Variants in ZBED6 observed in about 807,000 individuals in gnomAD.
ZBED6 encodes the protein zinc finger BED-type containing 6.
ZBED6 carries 40 observed loss-of-function variants against 58.4 expected under a neutral mutation model. The observed-to-expected ratio is 0.68, with a 90% CI of 0.53 to 0.89. The LOEUF (loss-of-function observed/expected upper bound fraction) is 0.89, where lower values mean the gene tolerates loss of function less well. ZBED6 is among the 40% of genes least tolerant of loss of function. The pLI is 0.00. For missense variants in ZBED6, 1,057 were observed against 1,003.9 expected (o/e 1.05, Z -0.71); for synonymous variants, 439 against 350.6 (o/e 1.25, Z -2.82).
intron 1 of ZBED6, among the ~76,000 whole-genome samples, chr1:203,808,690 T>C (rs1233742192): frequency 1.5e-4 from 23 of 152,216 alleles, no homozygotes; most frequent in Admixed American, 1.5e-3. Context: ...AATTCAGTTA[T>C]TATGTTTTTC....
At chr1:203,825,076 CAA>C (rs61108073) in intron 3 of ZBED6, among the ~76,000 whole-genome samples, 2 of 108,972 alleles carry the variant, frequency 1.8e-5, no homozygotes. Flanking sequence ...GACTCCGTCT[CAA>C]AAAAAAAAAA....
chr1:203,842,387 A>G (rs906424791), intron 11 of ZBED6, among the ~76,000 whole-genome samples: 2 of 152,240 alleles, frequency 1.3e-5, no homozygotes, highest in Non-Finnish European at 2.9e-5. Context: ...ACTCGCGGTC[A>G]GGAGCTGGAG....
intron 13 of ZBED6, 85 bp downstream of exon 13, chr1:203,848,492 G>A: frequency 1.0e-6 from 1 of 988,586 alleles, no homozygotes; most frequent in East Asian, 2.5e-5. Context: ...AAATTTCTAA[G>A]TACTTCATTC....
At chr1:203,806,719 GT>G (rs1353624419) in intron 1 of ZBED6, among the ~76,000 whole-genome samples, 1 of 151,536 alleles carries the variant, frequency 6.6e-6, no homozygotes, top group Admixed American at 6.6e-5. Flanking sequence ...TACCTCTAGT[GT>G]TTTACCATAT....
At chr1:203,815,155 C>T (rs1364395489) in intron 1 of ZBED6, among the ~76,000 whole-genome samples, 1 of 149,506 alleles carries the variant, frequency 6.7e-6, no homozygotes, top group Non-Finnish European at 1.5e-5. Context: ...TAAAAATAGT[C>T]TCCAGTTTTT....
chr1:203,807,367 C>T, intron 1 of ZBED6, among the ~76,000 whole-genome samples: 1 of 152,058 alleles, frequency 6.6e-6, no homozygotes, highest in East Asian at 1.9e-4. Flanking sequence ...CTCAGTGCAA[C>T]CTCAAACTCC....
At chr1:203,797,412 C>G in exon 1 of ZBED6, 2 of 1,072,442 alleles carry the variant, frequency 1.9e-6, no homozygotes. Flanking sequence ...AATTTGATTC[C>G]CCATAGAAAC....
chr1:203,831,001 A>G (rs562861302), intron 7 of ZBED6, among the ~76,000 whole-genome samples: 2 of 123,866 alleles, frequency 1.6e-5, no homozygotes, highest in South Asian at 2.7e-4. Context: ...GCTGGAGTGC[A>G]ATGGCGCAAT....
intron 1 of ZBED6, among the ~76,000 whole-genome samples, chr1:203,803,790 A>G (rs1671257596): frequency 6.6e-6 from 1 of 152,094 alleles, no homozygotes; most frequent in Non-Finnish European, 1.5e-5. Flanking sequence ...AACCTTTTGT[A>G]GAGATGGAGT....
intron 3 of ZBED6, among the ~76,000 whole-genome samples, chr1:203,825,239 CA>C (rs1023269662): frequency 4.5e-4 from 69 of 151,992 alleles, no homozygotes; most frequent in Non-Finnish European, 1.3e-4. Flanking sequence ...ACCAGAGGCC[CA>C]CAGGAACCCA....
chr1:203,848,398 A>G, exon 13 of ZBED6: 1 of 1,606,896 alleles, frequency 6.2e-7, no homozygotes, highest in Non-Finnish European at 8.5e-7. Context: ...TTAGAACAGA[A>G]GCTAAAGAGG....
At chr1:203,801,398 G>C (rs1474819575) in exon 1 of ZBED6, 2 of 152,100 alleles carry the variant, frequency 1.3e-5, no homozygotes, top group Non-Finnish European at 2.9e-5. Context: ...TTATGTGTTA[G>C]GAATCATTGG....
chr1:203,799,996 G>C lies in ZBED6; in HGVS notation c.2474G>C (p.Gly825Ala), dbSNP rs1047328917. The change falls in exon 1 of 17, where the codon GGA becomes GCA. Residue 825 changes from glycine (G) to alanine (A), a missense_variant. Coordinates refer to ENST00000550078, the Ensembl canonical transcript of ZBED6. ...GCTTCTTGTCCCTCAGTTACAGTGGGAGCTGATTCATTTACCTCATCTCTA... is the reference window on the plus strand; with the variant it reads ...GCTTCTTGTCCCTCAGTTACAGTGGCAGCTGATTCATTTACCTCATCTCTA... The C allele has an allele frequency of 8.5e-6, 13 of 1,536,088 alleles. No homozygotes were observed. The Middle Eastern group carries it at 6.7e-4, about 79-fold the overall frequency.
rs570827725 is a variant in ZBED6 at position 203,809,607 on chromosome 1, G to C, written c.*2554+6591G>C. On this transcript the variant is annotated intron_variant, in intron 1 of 16. Transcript: ENST00000550078. ...ACTTCTAGAGAGTGGGTTGAGAAAG[G>C]TCCCATTATTTTTCTTGGCTTCATA... is the stretch of plus-strand genomic sequence containing the variant. 2.0e-5 allele frequency among the ~76,000 whole-genome samples: 3 copies of C among 152,108 alleles called. No homozygotes were observed. In the South Asian group the frequency reaches 6.2e-4, roughly 32 times the overall value.
chr1:203,805,765 A>G (rs1442710521), intron 1 of ZBED6: 1 of 683,358 alleles, frequency 1.5e-6, no homozygotes, highest in Non-Finnish European at 2.8e-6. Flanking sequence ...CTCATCACCC[A>G]GTGTATCCAA....
exon 1 of ZBED6, chr1:203,799,132 C>A (rs1197836895): frequency 6.6e-7 from 1 of 1,514,604 alleles, no homozygotes; most frequent in Non-Finnish European, 8.9e-7. Flanking sequence ...TGTTTGATAA[C>A]CAATATTTTA....
chr1:203,850,079 A>T, intron 14 of ZBED6, 53 bp downstream of exon 14: 1 of 1,557,238 alleles, frequency 6.4e-7, no homozygotes, highest in South Asian at 1.2e-5. Context: ...TACCAAATTC[A>T]ACCCAATTGT....
intron 11 of ZBED6, among the ~76,000 whole-genome samples, chr1:203,846,209 T>C (rs917689378): frequency 1.6e-4 from 25 of 151,708 alleles, no homozygotes; most frequent in African/African-American, 5.8e-4. Flanking sequence ...CATATATATG[T>C]GTATGATCTC....
chr1:203,850,577 C>T, exon 15 of ZBED6: 1 of 1,613,980 alleles, frequency 6.2e-7, no homozygotes, highest in Non-Finnish European at 8.5e-7. Flanking sequence ...CAAATTGGCC[C>T]CAAAACGTAA....
Sources: gnomAD v4.1 joint callset for allele counts (sites outside exome capture counted in the v4.1 genomes callset) on GRCh38, gnomAD v4.1.1 for gene constraint, MANE v1.5 for transcripts, NCBI Gene and HGNC (gene_info 2026-07-23, HGNC 2026-07-21) for gene names.